Variants in CDKAL1 observed in about 807,000 individuals in gnomAD.
CDKAL1 encodes the protein threonylcarbamoyladenosine tRNA methylthiotransferase.
Under a neutral mutation model 68.2 loss-of-function variants are expected in CDKAL1, and 32 were observed. The ratio of observed to expected loss-of-function variants is 0.47; its 90% CI spans 0.35 to 0.63. CDKAL1 has a LOEUF of 0.63. Ranked by LOEUF, CDKAL1 falls within the 30% of genes least tolerant of loss-of-function variation. The pLI, the probability that CDKAL1 is intolerant of heterozygous loss-of-function variation, is 0.00. For missense variants in CDKAL1, 606 were observed against 696.7 expected (o/e 0.87, Z 1.47); for synonymous variants, 234 against 244.3 (o/e 0.96, Z 0.39).
intron 8 of CDKAL1, among the ~76,000 whole-genome samples, chr6:20,803,662 G>C (rs1776457881): frequency 6.6e-6 from 1 of 152,170 alleles, no homozygotes; most frequent in Admixed American, 6.5e-5. Flanking sequence ...ATAGGGACAA[G>C]ATAGTATCTT....
At chr6:21,163,907 C>T (rs1294836941) in intron 13 of CDKAL1, among the ~76,000 whole-genome samples, 1 of 150,294 alleles carries the variant, frequency 6.7e-6, no homozygotes, top group Non-Finnish European at 1.5e-5. Flanking sequence ...GCCAACATCA[C>T]ACCATTACAC....
intron 9 of CDKAL1, among the ~76,000 whole-genome samples, chr6:20,895,458 A>C (rs1477443134): frequency 6.6e-6 from 1 of 152,158 alleles, no homozygotes; most frequent in Non-Finnish European, 1.5e-5. Context: ...TCAGTAGTGT[A>C]TGTTTCCATT....
At chr6:21,108,051 G>A (rs1441534080) in intron 12 of CDKAL1, among the ~76,000 whole-genome samples, 1 of 152,228 alleles carries the variant, frequency 6.6e-6, no homozygotes, top group East Asian at 1.9e-4. Flanking sequence ...CAATGAAATC[G>A]GAAGTGCCCT....
At chr6:20,889,756 C>T (rs903635785) in intron 9 of CDKAL1, among the ~76,000 whole-genome samples, 3 of 152,158 alleles carry the variant, frequency 2.0e-5, no homozygotes, top group African/African-American at 7.2e-5. Flanking sequence ...GTTTTGGTTA[C>T]TGTAGCCTTG....
At chr6:20,750,879 G>A (rs183402303) in intron 6 of CDKAL1, among the ~76,000 whole-genome samples, 2 of 141,396 alleles carry the variant, frequency 1.4e-5, no homozygotes, top group South Asian at 2.3e-4. Flanking sequence ...CAGGAGAATC[G>A]CTTGAACCCA....
intron 4 of CDKAL1, among the ~76,000 whole-genome samples, chr6:20,622,267 T>C (rs1767228596): frequency 6.6e-6 from 1 of 152,178 alleles, no homozygotes; most frequent in African/African-American, 2.4e-5. Context: ...TTGGGCTGCC[T>C]AATTTTTTAT....
At chr6:20,780,355 AAAAAATCC>A (rs1351047940) in intron 7 of CDKAL1, among the ~76,000 whole-genome samples, 3 of 152,124 alleles carry the variant, frequency 2.0e-5, no homozygotes, top group African/African-American at 7.2e-5. Context: ...GTTTGTTTAA[AAAAAATCC>A]AGCCCTAAAG....
At chr6:20,596,823 A>G (rs938378671) in intron 4 of CDKAL1, among the ~76,000 whole-genome samples, 8 of 152,178 alleles carry the variant, frequency 5.3e-5, no homozygotes, top group African/African-American at 1.9e-4. Context: ...CCATGGGAAA[A>G]GTGTAGTATC....
At chr6:20,623,669 T>C (rs1462688206) in intron 4 of CDKAL1, among the ~76,000 whole-genome samples, 2 of 152,068 alleles carry the variant, frequency 1.3e-5, no homozygotes, top group Non-Finnish European at 2.9e-5. Context: ...GGAATATTTG[T>C]TGGTTCCTAA....
At chr6:20,906,791 A>C (rs1403087731) in intron 9 of CDKAL1, among the ~76,000 whole-genome samples, 2 of 152,218 alleles carry the variant, frequency 1.3e-5, no homozygotes, top group Non-Finnish European at 2.9e-5. Context: ...ACAAATAACA[A>C]AGTGGAAGAA....
At chr6:21,210,488 C>T (rs544252510) in intron 15 of CDKAL1, among the ~76,000 whole-genome samples, 6 of 152,286 alleles carry the variant, frequency 3.9e-5, no homozygotes, top group African/African-American at 1.4e-4. Context: ...CTGGCCCCCA[C>T]CAGACACCAA....
At chr6:20,876,706 A>G (rs1760537170) in intron 9 of CDKAL1, among the ~76,000 whole-genome samples, 1 of 152,208 alleles carries the variant, frequency 6.6e-6, no homozygotes, top group African/African-American at 2.4e-5. Flanking sequence ...AGGCAGGCGT[A>G]GAATTCAGTG....
intron 2 of CDKAL1, among the ~76,000 whole-genome samples, chr6:20,540,706 T>C (rs1007531760): frequency 1.3e-5 from 2 of 152,218 alleles, no homozygotes; most frequent in African/African-American, 2.4e-5. Flanking sequence ...TCCATCCGCC[T>C]CAGCCTCCCA....
intron 11 of CDKAL1, among the ~76,000 whole-genome samples, chr6:21,001,390 CT>C (rs1006351263): frequency 6.6e-6 from 1 of 151,680 alleles, no homozygotes; most frequent in Non-Finnish European, 1.5e-5. Flanking sequence ...AAATCTTTTT[CT>C]TTTTTTTCCT....
chr6:20,663,593 G>A (rs190854919), intron 5 of CDKAL1, among the ~76,000 whole-genome samples: 4 of 152,160 alleles, frequency 2.6e-5, no homozygotes, highest in Admixed American at 2.6e-4. Context: ...TTAGTTGTTG[G>A]ACACACGTAT....
intron 11 of CDKAL1, among the ~76,000 whole-genome samples, chr6:21,026,468 A>G (rs1309579045): frequency 6.6e-6 from 1 of 152,200 alleles, no homozygotes; most frequent in Non-Finnish European, 1.5e-5. Context: ...ACTAGATTAA[A>G]GAAACTCTGA....
intron 8 of CDKAL1, among the ~76,000 whole-genome samples, chr6:20,814,692 C>T: frequency 6.6e-6 from 1 of 152,162 alleles, no homozygotes; most frequent in Non-Finnish European, 1.5e-5. Context: ...TGCTCAATGC[C>T]CTATGTATTA....
Position 20,758,600 on chromosome 6 carries a change from G to A in CDKAL1, c.474G>A (p.Gln158=). 6.2e-7 allele frequency: 1 copy of A among 1,601,476 alleles called. No homozygotes were observed. The highest frequency in any genetic ancestry group is 8.5e-7 in the Non-Finnish European group (1 of 1,174,958). Reference sequence around the variant, plus strand: ...TCGTTTTTTTTTTTTTCCAGGTTCAGCAGATAGATCGTGTGGTAGAAGTTG... The same window carrying A: ...TCGTTTTTTTTTTTTTCCAGGTTCAACAGATAGATCGTGTGGTAGAAGTTG... The part of the protein sequence containing the change: ...YLKGLSIIGV[Q]QIDRVVEVVE... Residue 158 remains glutamine (Q), a synonymous_variant, in exon 7 of 16, where the codon CAG becomes CAA. Coordinates refer to ENST00000274695, the MANE Select transcript of CDKAL1 (RefSeq NM_017774.3).
chr6:20,552,596 G>A (rs1043151140), intron 4 of CDKAL1, among the ~76,000 whole-genome samples: 2 of 142,214 alleles, frequency 1.4e-5, no homozygotes, highest in South Asian at 2.2e-4. Flanking sequence ...GAGAAAATAA[G>A]GAAGTAATTA....
Sources: allele counts gnomAD v4.1 joint callset (sites outside exome capture counted in the v4.1 genomes callset), GRCh38; gene constraint gnomAD v4.1.1; transcripts MANE v1.5; gene names NCBI Gene and HGNC (gene_info 2026-07-23, HGNC 2026-07-21).